The following SMYD3 variants were observed in gnomAD, a reference collection of about 807,000 sequenced individuals.
The protein encoded by SMYD3 is SET and MYND domain containing 3, also known as histone-lysine N-methyltransferase SMYD3.
Under a neutral mutation model 57.7 loss-of-function variants are expected in SMYD3, and 36 were observed. The ratio of observed to expected loss-of-function variants is 0.62; its 90% confidence interval spans 0.48 to 0.82. The LOEUF (loss-of-function observed/expected upper bound fraction) is 0.82. Among genes scored for constraint, SMYD3 ranks in the 40% least tolerant of loss-of-function variants. The pLI, the probability that SMYD3 is intolerant of heterozygous loss-of-function variation, is 0.00. For synonymous variants in SMYD3, 211 were observed against 195.0 expected, an observed-to-expected ratio of 1.08 and a Z score of -0.68; for missense variants, 515 against 538.8, an observed-to-expected ratio of 0.96 and a Z score of 0.44.
Position 245,775,474 on chromosome 1 carries a change from G to T in SMYD3, c.1077-11325C>A, listed in dbSNP as rs1280902883. ...ACTCAGGGTTAAATGGATTAAGGGC[G>T]GTGCAAGATGTGCTTTGTTAAACAG... On this transcript the variant is annotated intron_variant, in intron 10 of 11. Transcript: ENST00000490107. Among the ~76,000 whole-genome samples, 24 of 151,034 alleles carry T rather than the reference G, an allele frequency of 1.6e-4. 1 individual carries two copies. The highest frequency in any genetic ancestry group is 6.4e-4 in the South Asian group (3 of 4,704).
chr1:246,384,556 C>T (rs888140359), intron 1 of SMYD3, among the ~76,000 whole-genome samples: 7 of 151,946 alleles, frequency 4.6e-5, no homozygotes, highest in African/African-American at 1.2e-4. Context: ...CCACCACGCC[C>T]GGCTAATTTT....
Position 246,071,885 on chromosome 1 carries a change from C to T in SMYD3, c.532-141948G>A, listed in dbSNP as rs10802327. On this transcript the variant is annotated intron_variant, in intron 5 of 11. Transcript: ENST00000490107. ...GTGTGCTTTCCGCTGTGCTCACTGT[C>T]GCTGCATCGTGTTAGTTCTGGGGAG... Among the ~76,000 whole-genome samples, 2 of 32,756 alleles carry T rather than the reference C, an allele frequency of 6.1e-5. 1 individual carries two copies. The highest frequency in any genetic ancestry group is 1.6e-4 in the African/African-American group (2 of 12,650). The allele number at this position is 32,756 out of a possible 152,430, so 21.5% of individuals were successfully genotyped here.
At chr1:246,266,770 CGAAA>C (rs1320602359) in intron 5 of SMYD3, among the ~76,000 whole-genome samples, 3 of 147,738 alleles carry the variant, frequency 2.0e-5, no homozygotes, top group Admixed American at 6.8e-5. Flanking sequence ...GCACTCCAGC[CGAAA>C]GAAAGACAGA....
At position 245,955,286 on chromosome 1, in the gene SMYD3, G is replaced by A. The variant is rs909882091; in HGVS notation, c.532-25349C>T. Among the ~76,000 whole-genome samples the A allele has an allele frequency of 4.6e-5, 7 of 152,224 alleles. No individual in the cohort carries two copies. The East Asian group carries it at 9.7e-4, about 21-fold the overall frequency. On this transcript the variant is annotated intron_variant, in intron 5 of 11. Coordinates refer to ENST00000490107, the MANE Select transcript of SMYD3 (RefSeq NM_001167740.2). ...TTTTTTTGTATTTTTTAGTAGAGAC[G>A]GGGTTTCACCGCATTAGCCAGGATG...
chr1:246,224,426 A>T lies in SMYD3; in HGVS notation c.531+102775T>A, dbSNP rs139732004. The stretch of plus-strand genomic sequence containing the variant: ...GTGTGGCTGAGGTGTGGTCAAGGGG[A>T]TGTATCCAAAGTATAGCAATACATC... On this transcript the variant is annotated intron_variant, in intron 5 of 11. Transcript: ENST00000490107. Among the ~76,000 whole-genome samples the T allele has an allele frequency of 1.4e-3, 220 of 152,190 alleles. 1 individual carries two copies. Among genetic ancestry groups the T allele is most frequent in the African/African-American group, 4.9e-3 (203 of 41,472 alleles).
Position 246,110,645 on chromosome 1 carries a change from C to A in SMYD3, c.532-180708G>T, listed in dbSNP as rs74740226. Among the ~76,000 whole-genome samples, 23 of 152,330 alleles carry A rather than the reference C, an allele frequency of 1.5e-4. No individual in the cohort carries two copies. In the East Asian group the frequency reaches 4.4e-3, roughly 29 times the overall value. On this transcript the variant is annotated intron_variant, in intron 5 of 11. Transcript: ENST00000490107. ...CTCTCTCTCTTTCTTTGGGTGCAAGCACGCCTGCACAGTGTCACCAGGGCA... is the reference window on the plus strand; with the variant it reads ...CTCTCTCTCTTTCTTTGGGTGCAAGAACGCCTGCACAGTGTCACCAGGGCA...
At chr1:246,282,548 C>CA (rs34605656) in intron 5 of SMYD3, among the ~76,000 whole-genome samples, 91,725 of 146,034 alleles carry the variant, frequency 0.63, 29,207 homozygotes, top group Middle Eastern at 0.77. Flanking sequence ...TTATTTGTTC[C>CA]AAAAAAAAAA....
intron 1 of SMYD3, among the ~76,000 whole-genome samples, chr1:246,449,171 G>A (rs1482561263): frequency 6.6e-6 from 1 of 152,122 alleles, no homozygotes; most frequent in East Asian, 1.9e-4. Context: ...GGTCGAGACT[G>A]CAATGAGCCA....
chr1:246,002,440 T>C lies in SMYD3; in HGVS notation c.532-72503A>G, dbSNP rs534704936. Among the ~76,000 whole-genome samples the C allele has an allele frequency of 2.0e-4, 10 of 49,060 alleles. 2 individuals carry two copies. The highest frequency in any genetic ancestry group is 3.9e-4 in the Non-Finnish European group (8 of 20,604). 32.2% of individuals were successfully genotyped at this position (49,060 alleles called of 152,430 possible). A position where few individuals can be genotyped will look rare whatever the true frequency, so the allele number is the denominator to read the frequency against. On this transcript the variant is annotated intron_variant, in intron 5 of 11. Coordinates refer to ENST00000490107, the MANE Select transcript of SMYD3 (RefSeq NM_001167740.2). ...ACCTCGTGATCCACCCGCCTCGGCC[T>C]CCCAAAGTGCTGGGATTACAGGCGC...
Position 245,962,826 on chromosome 1 carries a change from C to T in SMYD3, c.532-32889G>A, listed in dbSNP as rs1311461428. On this transcript the variant is annotated intron_variant, in intron 5 of 11. Transcript: ENST00000490107. ...ACGGGCTTACTTCTGATATTTTAAACAGGCAACAAAAAAGAAAAACCAAGT... is the reference window on the plus strand; with the variant it reads ...ACGGGCTTACTTCTGATATTTTAAATAGGCAACAAAAAAGAAAAACCAAGT... Among the ~76,000 whole-genome samples the T allele has an allele frequency of 1.6e-5, 2 of 125,442 alleles. 1 individual carries two copies. Among genetic ancestry groups the T allele is most frequent in the Non-Finnish European group, 3.6e-5 (2 of 56,090 alleles). 82.3% of individuals were successfully genotyped at this position (125,442 alleles called of 152,430 possible).
intron 5 of SMYD3, among the ~76,000 whole-genome samples, chr1:246,266,287 C>CT (rs1282522628): frequency 3.9e-5 from 6 of 152,110 alleles, no homozygotes; most frequent in Admixed American, 1.3e-4. Context: ...TCCATCCCAT[C>CT]TTTTTTTAAT....
At chr1:246,320,651 G>T (rs1341523058) in intron 5 of SMYD3, among the ~76,000 whole-genome samples, 2 of 151,902 alleles carry the variant, frequency 1.3e-5, no homozygotes, top group Admixed American at 1.3e-4. Context: ...TAATCAGGCT[G>T]CCAAATAAAT....
At chr1:246,146,048 C>T (rs879580800) in intron 5 of SMYD3, among the ~76,000 whole-genome samples, 4 of 152,228 alleles carry the variant, frequency 2.6e-5, no homozygotes, top group Admixed American at 2.6e-4. Flanking sequence ...ACAGGCTGAT[C>T]GAAGTGCCAA....
chr1:246,379,081 TACACACACACACACACAC>T (rs34560740), intron 1 of SMYD3, among the ~76,000 whole-genome samples: 1 of 130,520 alleles, frequency 7.7e-6, no homozygotes, highest in Non-Finnish European at 1.6e-5. Flanking sequence ...CACACATACA[TACACACACACACACACAC>T]ACACACACAC....
rs184802054 is a variant in SMYD3 at position 246,425,418 on chromosome 1, G to T, written c.165-70324C>A. 1.4e-3 allele frequency among the ~76,000 whole-genome samples: 212 copies of T among 152,180 alleles called. 1 individual carries two copies. The highest frequency in any genetic ancestry group is 2.5e-3 in the Non-Finnish European group (169 of 68,008). ...TACATCTCCACAGCACAGATCCTTGGAACGCCACTGTAACATAAGCTCAGC... is the reference window on the plus strand; with the variant it reads ...TACATCTCCACAGCACAGATCCTTGTAACGCCACTGTAACATAAGCTCAGC... On this transcript the variant is annotated intron_variant, in intron 1 of 11. Transcript: ENST00000490107.
intron 5 of SMYD3, among the ~76,000 whole-genome samples, chr1:246,101,064 GT>G (rs538220674): frequency 0.019 from 1,468 of 78,598 alleles, 29 homozygotes; most frequent in Non-Finnish European, 0.035. Flanking sequence ...ATTTTTAGGG[GT>G]TTTTTGTTTT....
intron 1 of SMYD3, among the ~76,000 whole-genome samples, chr1:246,492,504 GAA>G (rs1343819886): frequency 6.6e-6 from 1 of 152,202 alleles, no homozygotes; most frequent in African/African-American, 2.4e-5. Context: ...AAAAATGGCT[GAA>G]AGACTAGACA....
chr1:246,218,883 C>T (rs1302471650), intron 5 of SMYD3, among the ~76,000 whole-genome samples: 1 of 152,132 alleles, frequency 6.6e-6, no homozygotes, highest in Non-Finnish European at 1.5e-5. Context: ...GCAAGACAAT[C>T]ACATGCTTCT....
At chr1:245,826,733 T>C (rs1368445050) in intron 10 of SMYD3, among the ~76,000 whole-genome samples, 4 of 152,150 alleles carry the variant, frequency 2.6e-5, no homozygotes, top group African/African-American at 9.7e-5. Flanking sequence ...CTCAGGAAAC[T>C]TAAGATCACG....
Sources: allele counts gnomAD v4.1 joint callset (sites outside exome capture counted in the v4.1 genomes callset), GRCh38; gene constraint gnomAD v4.1.1; transcripts MANE v1.5; gene names NCBI Gene and HGNC (gene_info 2026-07-23, HGNC 2026-07-21).